The following CDC40 variants were observed in gnomAD, a reference collection of about 807,000 sequenced individuals.
CDC40 encodes pre-mRNA-processing factor 17.
A neutral mutation model predicts 80.6 loss-of-function variants in CDC40; 27 were observed. That is an observed-to-expected ratio of 0.33 (90% CI 0.25 to 0.46). The LOEUF is 0.46. Ranked by LOEUF, CDC40 falls within the 20% of genes least tolerant of loss-of-function variation. CDC40 has a pLI of 1.00. For missense variants in CDC40, 486 were observed against 694.1 expected (o/e 0.70, Z 3.37); for synonymous variants, 221 against 232.6 (o/e 0.95, Z 0.45).
chr6:110,206,643 A>G (rs1476770842), intron 3 of CDC40, among the ~76,000 whole-genome samples: 1 of 152,250 alleles, frequency 6.6e-6, no homozygotes, highest in East Asian at 1.9e-4. Context: ...AGAATGATTG[A>G]TGAAATAGAA....
chr6:110,193,394 A>G (rs1245610422), intron 2 of CDC40, 126 bp downstream of exon 2: 6 of 603,584 alleles, frequency 9.9e-6, no homozygotes, highest in Non-Finnish European at 1.5e-5. Context: ...TTTAGAAAAT[A>G]CATGCTTCTT....
At chr6:110,217,973 G>A (rs1777722124) in intron 10 of CDC40, among the ~76,000 whole-genome samples, 170 bp downstream of exon 10, 1 of 152,216 alleles carries the variant, frequency 6.6e-6, no homozygotes, top group Non-Finnish European at 1.5e-5. Flanking sequence ...CTGAGCATGA[G>A]TAGCTCTTTC....
chr6:110,218,714 T>C (rs1374632608), intron 10 of CDC40, among the ~76,000 whole-genome samples: 1 of 152,204 alleles, frequency 6.6e-6, no homozygotes, highest in African/African-American at 2.4e-5. Flanking sequence ...GACTAGATGA[T>C]TGTACTGTGT....
At chr6:110,214,454 G>C (rs536900818) in intron 8 of CDC40, among the ~76,000 whole-genome samples, 1 of 152,302 alleles carries the variant, frequency 6.6e-6, no homozygotes, top group African/African-American at 2.4e-5. Context: ...CTAAGTAAAG[G>C]ATGAGGAAAC....
intron 1 of CDC40, among the ~76,000 whole-genome samples, chr6:110,184,045 TC>T (rs1191742233): frequency 1.3e-5 from 2 of 152,238 alleles, no homozygotes; most frequent in African/African-American, 4.8e-5. Flanking sequence ...TGTATCGGGT[TC>T]CTGTTGCTTG....
intron 12 of CDC40, chr6:110,224,357 C>T (rs1332674830): frequency 6.6e-6 from 1 of 151,780 alleles, no homozygotes; most frequent in African/African-American, 2.4e-5. Context: ...TTACAGTATC[C>T]AATTAGTGCT....
At chr6:110,203,174 C>T (rs997776345) in intron 3 of CDC40, among the ~76,000 whole-genome samples, 1 of 152,190 alleles carries the variant, frequency 6.6e-6, no homozygotes, top group African/African-American at 2.4e-5. Flanking sequence ...TAAGATCAGT[C>T]TTGTCTAAGC....
At chr6:110,187,135 C>T (rs960463495) in intron 1 of CDC40, among the ~76,000 whole-genome samples, 3 of 152,282 alleles carry the variant, frequency 2.0e-5, no homozygotes, top group Non-Finnish European at 4.4e-5. Flanking sequence ...CCCGCCACCA[C>T]GCCTGGCTAA....
intron 12 of CDC40, among the ~76,000 whole-genome samples, chr6:110,223,608 C>G (rs758229159): frequency 4.6e-5 from 7 of 152,248 alleles, no homozygotes; most frequent in Admixed American, 2.0e-4. Context: ...CTGACCTCCT[C>G]TATGGGAAAA....
chr6:110,191,214 T>C (rs1184278678), intron 1 of CDC40, among the ~76,000 whole-genome samples: 2 of 152,220 alleles, frequency 1.3e-5, no homozygotes, highest in East Asian at 1.9e-4. Flanking sequence ...GTTGGTTTTT[T>C]AGTCTTTGGT....
intron 1 of CDC40, among the ~76,000 whole-genome samples, chr6:110,183,354 G>A (rs149853159): frequency 1.0e-3 from 154 of 152,340 alleles, no homozygotes; most frequent in African/African-American, 3.3e-3. Flanking sequence ...AGAAAGTCTT[G>A]TAAAAGTATG....
At chr6:110,187,808 AC>A (rs1211130803) in intron 1 of CDC40, among the ~76,000 whole-genome samples, 1 of 152,226 alleles carries the variant, frequency 6.6e-6, no homozygotes, top group Non-Finnish European at 1.5e-5. Context: ...AACTTATTTG[AC>A]CCACAGGGTG....
Position 110,193,165 on chromosome 6 carries a change from T to G in CDC40, c.190-17T>G. 9 of 1,479,668 alleles carry G rather than the reference T, an allele frequency of 6.1e-6. No individual in the cohort carries two copies. The highest frequency in any genetic ancestry group is 8.5e-6 in the Non-Finnish European group (9 of 1,058,572). The allele number at this position is 1,479,668 out of a possible 1,614,324, so 91.7% of individuals were successfully genotyped here. On this transcript the variant is annotated splice_polypyrimidine_tract_variant and intron_variant, in intron 1 of 14. Transcript: ENST00000307731. ...TCATTTATCAGATCATTAATATTTA[T>G]TTGGTATTCTTTTTAGGAAGATTTG...
chr6:110,225,921 A>G (rs1777852097), intron 12 of CDC40, among the ~76,000 whole-genome samples: 1 of 152,226 alleles, frequency 6.6e-6, no homozygotes, highest in Admixed American at 6.5e-5. Flanking sequence ...TAAATGAAAT[A>G]GAAAACAAAA....
chr6:110,186,644 C>CT (rs1392317528), intron 1 of CDC40, among the ~76,000 whole-genome samples: 4 of 152,162 alleles, frequency 2.6e-5, no homozygotes, highest in African/African-American at 9.7e-5. Flanking sequence ...GATAAATCAG[C>CT]TGTTGGTGTA....
intron 13 of CDC40, among the ~76,000 whole-genome samples, chr6:110,227,881 T>C (rs1421887133): frequency 2.0e-5 from 3 of 152,182 alleles, no homozygotes; most frequent in Non-Finnish European, 4.4e-5. Flanking sequence ...GTGCAGATCC[T>C]GGAACCAATT....
chr6:110,219,648 ATCT>A (rs1777742900), intron 11 of CDC40, 85 bp from the exon 12 acceptor site: 5 of 1,431,902 alleles, frequency 3.5e-6, no homozygotes, highest in East Asian at 4.6e-5. Flanking sequence ...CGTGTTGAAG[ATCT>A]TCTCCTTCTC....
chr6:110,196,182 T>A (rs1471112169), intron 2 of CDC40, among the ~76,000 whole-genome samples: 1 of 152,202 alleles, frequency 6.6e-6, no homozygotes, highest in African/African-American at 2.4e-5. Context: ...TTTAGAGATT[T>A]GAGTCCAGAT....
At chr6:110,209,633 A>T (rs540446912) in intron 5 of CDC40, among the ~76,000 whole-genome samples, 67 of 152,228 alleles carry the variant, frequency 4.4e-4, no homozygotes, top group Non-Finnish European at 9.0e-4. Flanking sequence ...TTTTATCTCT[A>T]TATATATCTT....
Sources: gnomAD v4.1 joint callset for allele counts (sites outside exome capture counted in the v4.1 genomes callset) on GRCh38, gnomAD v4.1.1 for gene constraint, MANE v1.5 for transcripts, NCBI Gene and HGNC (gene_info 2026-07-23, HGNC 2026-07-21) for gene names.